The following GRID1 variants were observed in gnomAD, a reference collection of about 807,000 sequenced individuals.
GRID1 encodes the protein glutamate receptor ionotropic, delta-1.
GRID1 carries 28 observed loss-of-function variants against 98.0 expected under a neutral mutation model. That is an observed-to-expected ratio of 0.29 (90% CI 0.21 to 0.39). GRID1 has a LOEUF of 0.39. Among genes scored for constraint, GRID1 ranks in the 10% least tolerant of loss-of-function variants. GRID1 has a pLI of 1.00. For missense variants in GRID1, 1,111 were observed against 1,340.5 expected (o/e 0.83, Z 2.67); for synonymous variants, 553 against 538.5 (o/e 1.03, Z -0.37).
Position 85,848,555 on chromosome 10 carries a change from G to A in GRID1, c.1233+5941C>T, listed in dbSNP as rs77040738. Among the ~76,000 whole-genome samples the A allele has an allele frequency of 2.3e-3, 344 of 152,254 alleles. 1 individual carries two copies. The highest frequency in any genetic ancestry group is 3.5e-3 in the Non-Finnish European group (239 of 68,016). On this transcript the variant is annotated intron_variant, in intron 8 of 15. Coordinates refer to ENST00000327946, the MANE Select transcript of GRID1 (RefSeq NM_017551.3). ...GATATAAAATGTATTACAATAAAGA[G>A]CAATTTGATAAATATACATATCATG...
chr10:86,196,069 G>T (rs545469775), intron 3 of GRID1, among the ~76,000 whole-genome samples: 2 of 152,136 alleles, frequency 1.3e-5, no homozygotes, highest in East Asian at 3.9e-4. Context: ...CTCTGAGACC[G>T]CTAGCACAGC....
intron 13 of GRID1, chr10:85,647,001 C>T (rs761396320): frequency 1.1e-5 from 7 of 611,752 alleles, no homozygotes; most frequent in Middle Eastern, 4.5e-4. Flanking sequence ...GCCAGCACCA[C>T]TCTACAAAGT....
At chr10:85,793,546 C>T (rs1842500017) in intron 8 of GRID1, among the ~76,000 whole-genome samples, 1 of 152,200 alleles carries the variant, frequency 6.6e-6, no homozygotes, top group East Asian at 1.9e-4. Flanking sequence ...TCCAGTTCTG[C>T]CCTTGGACCA....
At chr10:86,020,044 T>C (rs1843029694) in intron 4 of GRID1, among the ~76,000 whole-genome samples, 1 of 152,212 alleles carries the variant, frequency 6.6e-6, no homozygotes, top group Non-Finnish European at 1.5e-5. Flanking sequence ...ATATATCACC[T>C]AAGCCAAATT....
intron 8 of GRID1, among the ~76,000 whole-genome samples, chr10:85,731,199 G>T (rs73328643): frequency 0.025 from 3,773 of 152,184 alleles, 146 homozygotes; most frequent in African/African-American, 0.086. Flanking sequence ...TCTAGAGTCA[G>T]TTTTAAAGAA....
intron 4 of GRID1, among the ~76,000 whole-genome samples, chr10:85,974,422 C>T (rs887974028): frequency 6.6e-6 from 1 of 152,184 alleles, no homozygotes; most frequent in African/African-American, 2.4e-5. Context: ...GTAGCAAGAA[C>T]ACAAGAAATG....
At chr10:86,183,840 C>A (rs1452371074) in intron 3 of GRID1, among the ~76,000 whole-genome samples, 1 of 152,198 alleles carries the variant, frequency 6.6e-6, no homozygotes, top group Non-Finnish European at 1.5e-5. Flanking sequence ...TAAGAAACCG[C>A]CAAACAGTTT....
chr10:86,283,939 T>G (rs970661000), intron 2 of GRID1, among the ~76,000 whole-genome samples: 5 of 137,412 alleles, frequency 3.6e-5, no homozygotes, highest in African/African-American at 1.4e-4. Flanking sequence ...CATATACACA[T>G]CTGCCCTCAT....
intron 2 of GRID1, among the ~76,000 whole-genome samples, chr10:86,208,554 T>C (rs1173580544): frequency 1.3e-5 from 2 of 152,106 alleles, no homozygotes; most frequent in African/African-American, 4.8e-5. Context: ...CAAACTCACC[T>C]CTTCAATCCT....
intron 2 of GRID1, among the ~76,000 whole-genome samples, chr10:86,300,059 C>T (rs139076810): frequency 1.5e-3 from 233 of 152,192 alleles, no homozygotes; most frequent in South Asian, 8.1e-3. Context: ...TTAGGGAGGG[C>T]CTTACATCCA....
intron 5 of GRID1, among the ~76,000 whole-genome samples, chr10:85,903,239 G>A (rs562656917): frequency 6.6e-6 from 1 of 152,210 alleles, no homozygotes; most frequent in South Asian, 2.1e-4. Flanking sequence ...TCTTACCCCT[G>A]AAATATTCAA....
intron 2 of GRID1, among the ~76,000 whole-genome samples, chr10:86,214,761 C>T (rs1354310329): frequency 6.6e-6 from 1 of 152,118 alleles, no homozygotes; most frequent in Non-Finnish European, 1.5e-5. Flanking sequence ...CCCAGCTACT[C>T]GGAAGCCCAA....
intron 2 of GRID1, among the ~76,000 whole-genome samples, chr10:86,289,427 A>C (rs569360418): frequency 1.3e-5 from 2 of 151,958 alleles, no homozygotes; most frequent in East Asian, 3.9e-4. Context: ...GTGATTCAGC[A>C]CAGGCCAAGC....
At chr10:85,639,586 A>C (rs1303246345) in intron 13 of GRID1, among the ~76,000 whole-genome samples, 1 of 152,218 alleles carries the variant, frequency 6.6e-6, no homozygotes, top group Non-Finnish European at 1.5e-5. Flanking sequence ...TTGCCTTTTT[A>C]AAAAATCTTT....
intron 4 of GRID1, among the ~76,000 whole-genome samples, chr10:86,046,988 G>C (rs1465740428): frequency 1.3e-5 from 2 of 152,266 alleles, no homozygotes; most frequent in East Asian, 3.9e-4. Context: ...GCTCTCTCTA[G>C]TCAGGCAGTG....
intron 12 of GRID1, among the ~76,000 whole-genome samples, chr10:85,693,389 T>C (rs1233214393): frequency 6.6e-6 from 1 of 152,146 alleles, no homozygotes; most frequent in Non-Finnish European, 1.5e-5. Context: ...AAGATGGATA[T>C]ATGTCATTAT....
chr10:86,054,246 G>A (rs997110699), intron 4 of GRID1, among the ~76,000 whole-genome samples: 20 of 149,490 alleles, frequency 1.3e-4, no homozygotes, highest in Admixed American at 3.3e-4. Flanking sequence ...CTGTCTACTC[G>A]AGTTGGGGCT....
intron 5 of GRID1, among the ~76,000 whole-genome samples, chr10:85,888,139 A>C (rs1841143718): frequency 6.6e-6 from 1 of 152,238 alleles, no homozygotes; most frequent in Non-Finnish European, 1.5e-5. Flanking sequence ...ATTGTTTGAA[A>C]AGTAGTTCAG....
intron 4 of GRID1, among the ~76,000 whole-genome samples, chr10:86,042,854 G>A (rs1843365969): frequency 6.6e-6 from 1 of 152,136 alleles, no homozygotes; most frequent in African/African-American, 2.4e-5. Context: ...CGGAGGCTGG[G>A]GCAATAGCAT....
Sources: gnomAD v4.1 joint callset for allele counts (sites outside exome capture counted in the v4.1 genomes callset) on GRCh38, gnomAD v4.1.1 for gene constraint, MANE v1.5 for transcripts, NCBI Gene and HGNC (gene_info 2026-07-23, HGNC 2026-07-21) for gene names.